Variants in CCDC102B observed in about 807,000 individuals in gnomAD.
CCDC102B encodes coiled-coil domain containing 102B, also known as coiled-coil domain-containing protein 102B.
A neutral mutation model predicts 57.4 loss-of-function variants in CCDC102B; 75 were observed. That is an observed-to-expected ratio of 1.31 (90% CI 1.08 to 1.58). The LOEUF is 1.58. Among genes scored for constraint, CCDC102B ranks in the 40% most tolerant of loss-of-function variants. The pLI is 0.00. For synonymous variants in CCDC102B, 206 were observed against 201.9 expected (o/e 1.02, Z -0.17); for missense variants, 636 against 582.6 (o/e 1.09, Z -0.94).
At chr18:68,818,865 A>T (rs1408710594) in intron 1 of CCDC102B, among the ~76,000 whole-genome samples, 1 of 152,186 alleles carries the variant, frequency 6.6e-6, no homozygotes, top group Non-Finnish European at 1.5e-5. Flanking sequence ...GCACTTCCTT[A>T]GTAACATATA....
chr18:68,885,846 CAAAAT>C (rs2039865296), intron 5 of CCDC102B, among the ~76,000 whole-genome samples: 1 of 151,566 alleles, frequency 6.6e-6, no homozygotes, highest in Non-Finnish European at 1.5e-5. Flanking sequence ...AAAGATGTCT[CAAAAT>C]AAAATAAAAG....
intron 7 of CCDC102B, among the ~76,000 whole-genome samples, chr18:69,052,117 A>G (rs1244962517): frequency 6.6e-6 from 1 of 151,990 alleles, no homozygotes; most frequent in Non-Finnish European, 1.5e-5. Flanking sequence ...AAGGAATAGT[A>G]TGAACATTAT....
chr18:68,769,728 A>G (rs2034579973), intron 2 of CCDC102B, among the ~76,000 whole-genome samples: 1 of 152,208 alleles, frequency 6.6e-6, no homozygotes, highest in South Asian at 2.1e-4. Context: ...GATCTCTTCC[A>G]ATAATCTGAA....
At chr18:68,956,637 T>G in intron 6 of CCDC102B, among the ~76,000 whole-genome samples, 1 of 126,786 alleles carries the variant, frequency 7.9e-6, no homozygotes, top group East Asian at 2.1e-4. Context: ...TATCGCACCA[T>G]ACATATAGCA....
At chr18:68,935,564 T>G (rs1219587658) in intron 6 of CCDC102B, among the ~76,000 whole-genome samples, 2 of 152,006 alleles carry the variant, frequency 1.3e-5, no homozygotes, top group Non-Finnish European at 2.9e-5. Flanking sequence ...TATCTGAATT[T>G]CAGGGGATCT....
At chr18:68,911,976 G>T (rs1317582747) in intron 6 of CCDC102B, among the ~76,000 whole-genome samples, 1 of 151,852 alleles carries the variant, frequency 6.6e-6, no homozygotes, top group Non-Finnish European at 1.5e-5. Flanking sequence ...TCCCATTTTG[G>T]TTTTGTAAAA....
chr18:68,992,341 A>G (rs751399271), intron 6 of CCDC102B, among the ~76,000 whole-genome samples: 2 of 152,168 alleles, frequency 1.3e-5, no homozygotes, highest in African/African-American at 2.4e-5. Flanking sequence ...CATTGAGCTC[A>G]GGGTGGGTAA....
At chr18:68,725,319 A>G (rs2032544244) in intron 2 of CCDC102B, among the ~76,000 whole-genome samples, 1 of 152,220 alleles carries the variant, frequency 6.6e-6, no homozygotes, top group African/African-American at 2.4e-5. Flanking sequence ...TGCAGTTTAA[A>G]GCAACACGAA....
chr18:68,735,010 T>C lies in CCDC102B; in HGVS notation c.-67+18416T>C, dbSNP rs561693335. 8.5e-5 allele frequency among the ~76,000 whole-genome samples: 13 copies of C among 152,352 alleles called. No homozygotes were observed. The South Asian group carries it at 2.5e-3, about 29-fold the overall frequency. The stretch of plus-strand genomic sequence containing the variant: ...GTTTAGGGAGAAGAATTTCTGAAAC[T>C]ATATATTGCTGAAATACCTTTTTAT... On this transcript the variant is annotated intron_variant, in intron 2 of 3. Coordinates refer to the CCDC102B transcript ENST00000578970.
Position 68,836,881 on chromosome 18 carries a change from T to C in CCDC102B, c.118T>C (p.Cys40Arg), listed in dbSNP as rs1385467320. Residue 40 changes from cysteine to arginine, a missense_variant, in exon 2 of 8, where the codon TGT (cysteine) becomes CGT (arginine). Physicochemically the swap from Cys to Arg is radical, Grantham distance 180 (BLOSUM62 -3). Coordinates refer to ENST00000360242, the MANE Select transcript of CCDC102B (RefSeq NM_024781.3). ...VAPASPPRDT[C>R]NTCFPLHGLQ... ...ACCTGCCTCACCCCCCAGGGATACC[T>C]GTAATACCTGCTTCCCACTTCATGG... 27 of 1,614,018 alleles carry C rather than the reference T, an allele frequency of 1.7e-5. No individual in the cohort carries two copies. Among genetic ancestry groups the C allele is most frequent in the Non-Finnish European group, 2.3e-5 (27 of 1,180,034 alleles).
At chr18:68,953,228 TG>T (rs2049748582) in intron 6 of CCDC102B, among the ~76,000 whole-genome samples, 1 of 152,122 alleles carries the variant, frequency 6.6e-6, no homozygotes, top group Admixed American at 6.6e-5. Context: ...GTTTAGAAAT[TG>T]TAAAGATGTT....
intron 6 of CCDC102B, among the ~76,000 whole-genome samples, chr18:68,970,209 T>G (rs1236954015): frequency 6.6e-6 from 1 of 152,072 alleles, no homozygotes; most frequent in East Asian, 1.9e-4. Flanking sequence ...TAATAAATCT[T>G]TAAAGCACAC....
At chr18:68,973,152 T>C (rs1345699849) in intron 6 of CCDC102B, among the ~76,000 whole-genome samples, 1 of 152,140 alleles carries the variant, frequency 6.6e-6, no homozygotes, top group African/African-American at 2.4e-5. Flanking sequence ...GAATACATAA[T>C]AGAATATCTT....
chr18:68,894,721 C>A (rs2040186382), intron 5 of CCDC102B, among the ~76,000 whole-genome samples: 1 of 151,512 alleles, frequency 6.6e-6, no homozygotes, highest in Non-Finnish European at 1.5e-5. Flanking sequence ...ATATGTTATA[C>A]ACATATATTT....
At chr18:68,789,091 C>G (rs2035328061) in intron 2 of CCDC102B, among the ~76,000 whole-genome samples, 1 of 152,112 alleles carries the variant, frequency 6.6e-6, no homozygotes, top group Admixed American at 6.6e-5. Flanking sequence ...GCTTATGAAG[C>G]TTAGTTTGGC....
intron 6 of CCDC102B, among the ~76,000 whole-genome samples, chr18:69,009,176 C>G (rs2051432163): frequency 1.3e-5 from 2 of 152,174 alleles, no homozygotes; most frequent in Non-Finnish European, 2.9e-5. Flanking sequence ...ATTTTACTGG[C>G]AGATTACCTT....
chr18:69,049,772 C>T (rs1056327700), intron 7 of CCDC102B, among the ~76,000 whole-genome samples: 15 of 152,068 alleles, frequency 9.9e-5, no homozygotes, highest in Non-Finnish European at 7.4e-5. Context: ...GACCTCTCAG[C>T]TTATTCAGAG....
At chr18:69,006,962 T>C (rs999722523) in intron 6 of CCDC102B, among the ~76,000 whole-genome samples, 2 of 152,184 alleles carry the variant, frequency 1.3e-5, no homozygotes, top group Non-Finnish European at 2.9e-5. Context: ...AGCTCTCTGA[T>C]ACTAAATAGG....
At chr18:68,889,660 A>G (rs2040007650) in intron 5 of CCDC102B, among the ~76,000 whole-genome samples, 1 of 152,078 alleles carries the variant, frequency 6.6e-6, no homozygotes. Context: ...GCTGGTCTCA[A>G]ACTCCCAATG....
Sources: gnomAD v4.1 joint callset for allele counts (sites outside exome capture counted in the v4.1 genomes callset) on GRCh38, gnomAD v4.1.1 for gene constraint, MANE v1.5 for transcripts, NCBI Gene and HGNC (gene_info 2026-07-23, HGNC 2026-07-21) for gene names.